ASTN2: variants seen among roughly 807,000 people sequenced by gnomAD.
ASTN2 encodes the protein astrotactin-2.
A neutral mutation model predicts 139.8 loss-of-function variants in ASTN2; 54 were observed. The observed-to-expected ratio is 0.39, with a 90% confidence interval of 0.31 to 0.48. The LOEUF is 0.48. ASTN2 is among the 20% of genes least tolerant of loss of function. The pLI, the probability that ASTN2 is intolerant of heterozygous loss-of-function variation, is 0.95. For synonymous variants in ASTN2, 756 were observed against 719.5 expected, an observed-to-expected ratio of 1.05 and a Z score of -0.81; for missense variants, 1,565 against 1,725.1, an observed-to-expected ratio of 0.91 and a Z score of 1.64.
intron 3 of ASTN2, among the ~76,000 whole-genome samples, chr9:117,201,581 T>C (rs1236371112): frequency 6.6e-6 from 1 of 152,198 alleles, no homozygotes; most frequent in Non-Finnish European, 1.5e-5. Context: ...GATTTCTGCC[T>C]TAATTTCATT....
intron 7 of ASTN2, among the ~76,000 whole-genome samples, chr9:116,990,659 C>A (rs951923320): frequency 6.6e-6 from 1 of 152,236 alleles, no homozygotes; most frequent in African/African-American, 2.4e-5. Flanking sequence ...CTCAAACAAA[C>A]AAGCACACTA....
chr9:117,220,159 A>G lies in ASTN2; in HGVS notation c.631-5417T>C, dbSNP rs185237020. Among the ~76,000 whole-genome samples the G allele has an allele frequency of 5.9e-5, 9 of 152,318 alleles. No homozygotes were observed. In the East Asian group the frequency reaches 1.5e-3, roughly 26 times the overall value. On this transcript the variant is annotated intron_variant, in intron 2 of 22. Transcript: ENST00000313400. ...ATTCCTTCAGCTTCCCTATTTGTCT[A>G]TCACAAACCAAATCCTTTCACCCCA...
intron 16 of ASTN2, among the ~76,000 whole-genome samples, chr9:116,710,058 T>A (rs953384840): frequency 8.5e-5 from 13 of 152,206 alleles, no homozygotes; most frequent in African/African-American, 2.4e-5. Flanking sequence ...CTTCTTCAGC[T>A]TCACATCTGG....
At chr9:117,218,700 C>T (rs1832413590) in intron 2 of ASTN2, among the ~76,000 whole-genome samples, 1 of 152,162 alleles carries the variant, frequency 6.6e-6, no homozygotes, top group Admixed American at 6.5e-5. Context: ...CTCCTATGGA[C>T]CTTCAGTTTA....
chr9:116,594,343 A>G (rs750551394), intron 19 of ASTN2, among the ~76,000 whole-genome samples: 2 of 152,230 alleles, frequency 1.3e-5, no homozygotes, highest in African/African-American at 2.4e-5. Context: ...ATGAGTACAC[A>G]TCTTCTACCT....
intron 1 of ASTN2, among the ~76,000 whole-genome samples, chr9:117,400,936 T>C (rs1212114459): frequency 2.6e-5 from 4 of 152,128 alleles, no homozygotes; most frequent in African/African-American, 9.7e-5. Context: ...TTTAACCACA[T>C]GACTTGCTTC....
chr9:116,516,945 C>T (rs150329439), intron 19 of ASTN2, among the ~76,000 whole-genome samples: 58 of 152,286 alleles, frequency 3.8e-4, no homozygotes, highest in African/African-American at 1.3e-3. Context: ...ACCCCATTCC[C>T]CACAGCAGCT....
intron 17 of ASTN2, among the ~76,000 whole-genome samples, chr9:116,644,729 A>G (rs1564177997): frequency 6.6e-6 from 1 of 152,212 alleles, no homozygotes; most frequent in Non-Finnish European, 1.5e-5. Context: ...AGATATGTAT[A>G]TCTTTCTCCT....
chr9:116,913,648 T>C (rs984611521), intron 10 of ASTN2, among the ~76,000 whole-genome samples: 1 of 152,230 alleles, frequency 6.6e-6, no homozygotes, highest in Admixed American at 6.5e-5. Context: ...TCAAAGAATA[T>C]ACTCCCTTTT....
chr9:117,096,890 A>G (rs1828853693), intron 4 of ASTN2, among the ~76,000 whole-genome samples: 1 of 152,194 alleles, frequency 6.6e-6, no homozygotes, highest in Admixed American at 6.5e-5. Context: ...ACCCTCAGGA[A>G]TGGGCCATGT....
At chr9:117,054,267 G>A (rs1235712021) in intron 5 of ASTN2, among the ~76,000 whole-genome samples, 1 of 152,180 alleles carries the variant, frequency 6.6e-6, no homozygotes, top group Non-Finnish European at 1.5e-5. Context: ...GCTGTGCTAA[G>A]AGGACTATCT....
intron 10 of ASTN2, among the ~76,000 whole-genome samples, chr9:116,954,233 C>T (rs1470100571): frequency 6.6e-6 from 1 of 152,140 alleles, no homozygotes; most frequent in African/African-American, 2.4e-5. Flanking sequence ...CTCCAGGCCA[C>T]AATGTTAGTG....
chr9:117,209,469 A>C (rs1119749), intron 3 of ASTN2, among the ~76,000 whole-genome samples: 1 of 151,986 alleles, frequency 6.6e-6, no homozygotes, highest in East Asian at 1.9e-4. Context: ...AGGATATTAT[A>C]TGATAATAAA....
chr9:116,497,490 C>T (rs951407973), intron 19 of ASTN2, among the ~76,000 whole-genome samples: 11 of 152,184 alleles, frequency 7.2e-5, no homozygotes, highest in Admixed American at 5.9e-4. Flanking sequence ...CTTTTACGTG[C>T]AGCCAACCAA....
At chr9:116,551,897 T>C (rs1852364000) in intron 19 of ASTN2, among the ~76,000 whole-genome samples, 1 of 152,182 alleles carries the variant, frequency 6.6e-6, no homozygotes, top group Admixed American at 6.5e-5. Context: ...CTGTGAAGAA[T>C]TGTAGGGGAG....
chr9:117,028,567 C>T (rs544350502), intron 6 of ASTN2, among the ~76,000 whole-genome samples: 3 of 152,008 alleles, frequency 2.0e-5, no homozygotes, highest in Non-Finnish European at 2.9e-5. Context: ...GGGGAAGCTG[C>T]GGAGGGGCCA....
chr9:116,796,034 T>G (rs910269097), intron 13 of ASTN2, among the ~76,000 whole-genome samples: 5 of 152,192 alleles, frequency 3.3e-5, no homozygotes, highest in Non-Finnish European at 5.9e-5. Context: ...CACATGCAAG[T>G]GAGCTTTGCT....
chr9:116,634,608 AAAAAAAAAT>A (rs1187871021), intron 17 of ASTN2, among the ~76,000 whole-genome samples: 55 of 149,190 alleles, frequency 3.7e-4, no homozygotes, highest in African/African-American at 1.3e-3. Flanking sequence ...AAAAAAAAAA[AAAAAAAAAT>A]AAGCAAAATA....
chr9:116,975,827 G>A (rs1478990961), intron 9 of ASTN2, among the ~76,000 whole-genome samples: 5 of 152,214 alleles, frequency 3.3e-5, no homozygotes, highest in African/African-American at 4.8e-5. Context: ...GTGGTGGGAA[G>A]AGGTTCTATG....
Sources: allele counts gnomAD v4.1 joint callset (sites outside exome capture counted in the v4.1 genomes callset), GRCh38; gene constraint gnomAD v4.1.1; transcripts MANE v1.5; gene names NCBI Gene and HGNC (gene_info 2026-07-23, HGNC 2026-07-21).